Variants in NDUFS8 observed in about 807,000 individuals in gnomAD.
NDUFS8 encodes NADH:ubiquinone oxidoreductase core subunit S8.
Under a neutral mutation model 25.6 loss-of-function variants are expected in NDUFS8, and 13 were observed. The observed-to-expected ratio is 0.51, with a 90% CI of 0.33 to 0.81. NDUFS8 has a LOEUF of 0.81. Ranked by LOEUF, NDUFS8 falls within the 30% of genes least tolerant of loss-of-function variation. The pLI, the probability that NDUFS8 is intolerant of heterozygous loss-of-function variation, is 0.02. For synonymous variants in NDUFS8, 119 were observed against 119.4 expected (o/e 1.00, Z 0.02); for missense variants, 257 against 300.9 (o/e 0.85, Z 1.08).
At chr11:68,036,224 G>T (rs531253677) in intron 5 of NDUFS8, 29 bp from the exon 6 acceptor site, 2 of 1,611,664 alleles carry the variant, frequency 1.2e-6, no homozygotes, top group Admixed American at 3.3e-5. Context: ...ACAGGGCAGC[G>T]TGGCAGTGTC....
chr11:68,036,588 C>A lies in NDUFS8; in HGVS notation c.628C>A (p.Arg210=). The change falls in exon 7 of 7, where the codon CGG becomes AGG. Residue 210 remains arginine, a synonymous_variant. Coordinates refer to ENST00000313468, the MANE Select transcript of NDUFS8 (RefSeq NM_002496.4). ...CAACATCCAGGCTGACTACTTGTAT[C>A]GGTGACGCCCCACCGGCCCGCAGCC... The part of the protein sequence containing the change: ...AANIQADYLY[R] 6.2e-7 allele frequency: 1 copy of A among 1,613,696 alleles called. No homozygotes were observed. Among genetic ancestry groups the A allele is most frequent in the Non-Finnish European group, 8.5e-7 (1 of 1,179,984 alleles).
At chr11:68,031,693 C>T (rs1335949098) in intron 1 of NDUFS8, 1 of 273,708 alleles carries the variant, frequency 3.7e-6, no homozygotes, top group Non-Finnish European at 7.2e-6. Flanking sequence ...TTATTTGTGC[C>T]TCCCTCGTGG....
intron 5 of NDUFS8, 37 bp downstream of exon 5, chr11:68,033,320 C>T: frequency 6.3e-7 from 1 of 1,584,768 alleles, no homozygotes; most frequent in Non-Finnish European, 8.5e-7. Flanking sequence ...ACGCCAGCCC[C>T]TGCCACTGGG....
rs780213985 is a variant in NDUFS8 at position 68,036,479 on chromosome 11, C to A, written c.519C>A (p.Phe173Leu). ...DAIVEGPNFE[F>L]STETHEELLY... ...ACCTGCAGGGCCCCAACTTTGAGTT[C>A]TCCACGGAGACCCATGAGGAGCTGC... The change falls in exon 7 of 7, where the codon TTC (phenylalanine) becomes TTA (leucine). Residue 173 changes from phenylalanine to leucine, a missense_variant. Coordinates refer to ENST00000313468, the MANE Select transcript of NDUFS8 (RefSeq NM_002496.4). The A allele has an allele frequency of 6.2e-7, 1 of 1,614,080 alleles. No individual in the cohort carries two copies. The highest frequency in any genetic ancestry group is 1.3e-5 in the African/African-American group (1 of 75,042).
chr11:68,033,273 GC>G lies in NDUFS8; in HGVS notation c.366del (p.Ala123ProfsTer25). The G allele has an allele frequency of 1.2e-6, 2 of 1,604,736 alleles. No individual in the cohort carries two copies. Among genetic ancestry groups the G allele is most frequent in the South Asian group, 1.1e-5 (1 of 90,184 alleles). On this transcript the variant is annotated frameshift_variant, in exon 5 of 7. Coordinates refer to ENST00000313468, the MANE Select transcript of NDUFS8 (RefSeq NM_002496.4). LOFTEE classifies it high-confidence loss of function. ...GCCTGCAAGCTCTGCGAGGCCATCT[GC>G]CCCGCCCAGGTGAGCCCCTGCCCCA... The part of the protein sequence containing the change: ...CIACKLCEAI[C>X]PAQAITIEAE...
intron 1 of NDUFS8, 31 bp from the exon 2 acceptor site, chr11:68,032,121 C>A: frequency 6.2e-7 from 1 of 1,611,746 alleles, no homozygotes; most frequent in Non-Finnish European, 8.5e-7. Flanking sequence ...CTTGGGCACA[C>A]CCCACCCTCC....
At chr11:68,033,423 C>G in intron 5 of NDUFS8, 140 bp downstream of exon 5, 3 of 987,520 alleles carry the variant, frequency 3.0e-6, no homozygotes, top group Non-Finnish European at 3.1e-6. Flanking sequence ...CCACTTCCCT[C>G]GTGAATGGGA....
In NDUFS8 at chr11:68,032,904, C is replaced by T. The variant is rs1465161803; in HGVS notation, c.110-19C>T. 1.9e-6 allele frequency: 3 copies of T among 1,612,982 alleles called. No individual in the cohort carries two copies. The African/African-American group carries it at 4.0e-5, about 22-fold the overall frequency. On this transcript the variant is annotated intron_variant, in intron 3 of 6. Coordinates refer to ENST00000313468, the MANE Select transcript of NDUFS8 (RefSeq NM_002496.4). The stretch of plus-strand genomic sequence containing the variant: ...GTGTGAGGCCTCTTGCCATGGCCTC[C>T]CTGCCCGCCTCTCTGCAGAGTATGT...
rs1040906894 is a variant in NDUFS8 at position 68,030,727 on chromosome 11, C to T, written c.-7C>T. 1 of 334,656 alleles carries T rather than the reference C, an allele frequency of 3.0e-6. No individual in the cohort carries two copies. The highest frequency in any genetic ancestry group is 2.2e-5 in the African/African-American group (1 of 44,502). 20.7% of individuals were successfully genotyped at this position (334,656 alleles called of 1,614,324 possible). A position where few individuals can be genotyped will look rare whatever the true frequency, so the allele number is the denominator to read the frequency against. Reference sequence around the variant, plus strand: ...CTTGGCAAGGCAAGTAGCGGCGGCGCTTCAAGGTGGGTGTTCACGTTTTGG... The same window carrying T: ...CTTGGCAAGGCAAGTAGCGGCGGCGTTTCAAGGTGGGTGTTCACGTTTTGG... On this transcript the variant is annotated 5_prime_UTR_variant, in exon 1 of 7. Coordinates refer to ENST00000313468, the MANE Select transcript of NDUFS8 (RefSeq NM_002496.4).
At chr11:68,031,745 G>A in intron 1 of NDUFS8, 1 of 349,952 alleles carries the variant, frequency 2.9e-6, no homozygotes, top group Non-Finnish European at 5.6e-6. Context: ...CCACCCCTGG[G>A]CACGGTTCCT....
At chr11:68,032,358 A>G in intron 3 of NDUFS8, 22 bp downstream of exon 3, 1 of 1,613,106 alleles carries the variant, frequency 6.2e-7, no homozygotes, top group Non-Finnish European at 8.5e-7. Flanking sequence ...GGTGGCCTCT[A>G]GCCTCAGGTG....
chr11:68,032,112 T>G lies in NDUFS8; in HGVS notation c.1-40T>G, dbSNP rs780798050. ...TGCCAGTCTCAGAAGAGGATGGTTC[T>G]TGGGCACACCCCACCCTCCATCCCT... On this transcript the variant is annotated intron_variant, in intron 1 of 6. Transcript: ENST00000313468. 8 of 1,611,600 alleles carry G rather than the reference T, an allele frequency of 5.0e-6. No individual in the cohort carries two copies. In the South Asian group the frequency reaches 8.8e-5, roughly 18 times the overall value.
At position 68,033,257 on chromosome 11, in the gene NDUFS8, C is replaced by T. The variant is rs751728502; in HGVS notation, c.346C>T (p.Leu116Phe). ...GGAGGAGCGTTGCATTGCCTGCAAG[C>T]TCTGCGAGGCCATCTGCCCCGCCCA... Reference protein sequence around the residue: ...SGEERCIACKLCEAICPAQAI... With the variant: ...SGEERCIACKFCEAICPAQAI... Residue 116 changes from leucine to phenylalanine, a missense_variant, in exon 5 of 7, where the codon CTC becomes TTC. Leu to Phe is a conservative substitution (Grantham distance 22). Transcript: ENST00000313468. 2 of 1,608,794 alleles carry T rather than the reference C, an allele frequency of 1.2e-6. No individual in the cohort carries two copies. The highest frequency in any genetic ancestry group is 1.7e-6 in the Non-Finnish European group (2 of 1,178,788).
chr11:68,036,090 C>G (rs1447632153), intron 5 of NDUFS8, 163 bp from the exon 6 acceptor site: 1 of 1,129,866 alleles, frequency 8.9e-7, no homozygotes, highest in Non-Finnish European at 1.3e-6. Context: ...GAGACAGGCG[C>G]GAGCACCAGA....
chr11:68,036,060 C>T (rs1178398209), intron 5 of NDUFS8, 193 bp from the exon 6 acceptor site: 5 of 773,264 alleles, frequency 6.5e-6, no homozygotes, highest in Non-Finnish European at 1.0e-5. Flanking sequence ...GGCAGGGACG[C>T]CAGCAGGGCA....
chr11:68,035,474 T>G (rs1270151725), intron 5 of NDUFS8, among the ~76,000 whole-genome samples: 1 of 152,208 alleles, frequency 6.6e-6, no homozygotes, highest in African/African-American at 2.4e-5. Flanking sequence ...TAAAAAGTGC[T>G]GACCCAGAGA....
In NDUFS8 at chr11:68,036,243, C is replaced by T. The variant is rs561607392; in HGVS notation, c.373-10C>T. The T allele has an allele frequency of 2.4e-5, 39 of 1,612,420 alleles. No homozygotes were observed. The East Asian group carries it at 7.8e-4, about 32-fold the overall frequency. On this transcript the variant is annotated splice_polypyrimidine_tract_variant and intron_variant, in intron 5 of 6. Transcript: ENST00000313468. ...GGCAGCGTGGCAGTGTCTGGTGGCC[C>T]CTCCCGCAGGCCATCACCATCGAGG...
In NDUFS8 at chr11:68,032,945, C is replaced by T. The variant is rs775950853; in HGVS notation, c.132C>T (p.Pro44=). The change falls in exon 4 of 7, where the codon CCC becomes CCT. Residue 44 remains proline, a synonymous_variant. Coordinates refer to ENST00000313468, the MANE Select transcript of NDUFS8 (RefSeq NM_002496.4). ...ATYKYVNMQD[P]EMDMKSVTDR... The stretch of plus-strand genomic sequence containing the variant: ...CAGAGTATGTGAACATGCAGGATCC[C>T]GAGATGGACATGAAGTCAGTGACTG... The T allele has an allele frequency of 5.3e-5, 86 of 1,613,772 alleles. No individual in the cohort carries two copies. Among genetic ancestry groups the T allele is most frequent in the Middle Eastern group, 1.6e-4 (1 of 6,084 alleles).
In NDUFS8 at chr11:68,036,235, TGGTGGC is replaced by T; in HGVS notation, c.373-17_373-12del. The T allele has an allele frequency of 6.2e-7, 1 of 1,612,214 alleles. No individual in the cohort carries two copies. Among genetic ancestry groups the T allele is most frequent in the South Asian group, 1.1e-5 (1 of 91,044 alleles). On this transcript the variant is annotated splice_polypyrimidine_tract_variant and intron_variant, in intron 5 of 6. Coordinates refer to ENST00000313468, the MANE Select transcript of NDUFS8 (RefSeq NM_002496.4). The stretch of plus-strand genomic sequence containing the variant: ...TGTGACAGGGCAGCGTGGCAGTGTC[TGGTGGC>T]CCCTCCCGCAGGCCATCACCATCGA...
Sources: allele counts gnomAD v4.1 joint callset (sites outside exome capture counted in the v4.1 genomes callset), GRCh38; gene constraint gnomAD v4.1.1; transcripts MANE v1.5; gene names NCBI Gene and HGNC (gene_info 2026-07-23, HGNC 2026-07-21).